Variants in CACNA1C observed in about 807,000 individuals in gnomAD.
CACNA1C encodes voltage-dependent L-type calcium channel subunit alpha-1C.
CACNA1C carries 30 observed loss-of-function variants against 229.0 expected under a neutral mutation model. The observed-to-expected ratio is 0.13, with a 90% CI of 0.10 to 0.18. CACNA1C has a LOEUF of 0.18. Among genes scored for constraint, CACNA1C ranks in the 10% least tolerant of loss-of-function variants. CACNA1C has a pLI of 1.00. For missense variants in CACNA1C, 1,658 were observed against 2,845.0 expected, an observed-to-expected ratio of 0.58 and a Z score of 9.49; for synonymous variants, 1,114 against 1,132.5, an observed-to-expected ratio of 0.98 and a Z score of 0.33.
chr12:2,565,061 A>G (rs1461332561), intron 11 of CACNA1C, among the ~76,000 whole-genome samples: 1 of 152,140 alleles, frequency 6.6e-6, no homozygotes, highest in Non-Finnish European at 1.5e-5. Context: ...TCTCTGTATC[A>G]GGAAAATGAA....
At position 2,639,989 on chromosome 12, in the gene CACNA1C, G is replaced by A. The variant is rs564092917; in HGVS notation, c.3912+5609G>A. Among the ~76,000 whole-genome samples, 2 of 152,308 alleles carry A rather than the reference G, an allele frequency of 1.3e-5. No individual in the cohort carries two copies. The highest frequency in any genetic ancestry group is 4.1e-4 in the South Asian group (2 of 4,820). On this transcript the variant is annotated intron_variant, in intron 30 of 46. Coordinates refer to ENST00000399655, the MANE Select transcript of CACNA1C (RefSeq NM_000719.7). This position sits in a 1 kb window ranked among gnomAD's most constrained non-coding sequence, Gnocchi z 4.2. ...GGAGGAATTGCTGGAGGCTTTGCAC[G>A]ATGCACAGGAGTGTCCAGAGCAGGG...
intron 3 of CACNA1C, among the ~76,000 whole-genome samples, chr12:2,371,589 C>T (rs1254156232): frequency 6.6e-6 from 1 of 151,980 alleles, no homozygotes; most frequent in African/African-American, 2.4e-5. Context: ...ACTGGTGCTC[C>T]AGGAATCACA....
chr12:2,143,612 G>A (rs549782755), intron 3 of CACNA1C, among the ~76,000 whole-genome samples: 7 of 151,408 alleles, frequency 4.6e-5, no homozygotes, highest in Admixed American at 1.3e-4. Context: ...TACAGTCTGC[G>A]TGTGTCGTAG....
chr12:2,007,020 T>G (rs2043589354), intron 1 of CACNA1C, among the ~76,000 whole-genome samples: 3 of 152,238 alleles, frequency 2.0e-5, no homozygotes, highest in African/African-American at 7.2e-5. Flanking sequence ...ACTACCTTTT[T>G]CCAGTGTTAC....
chr12:2,681,592 C>T (rs2097148581), intron 42 of CACNA1C, among the ~76,000 whole-genome samples: 1 of 152,180 alleles, frequency 6.6e-6, no homozygotes, highest in Non-Finnish European at 1.5e-5. Context: ...CAGCTCCTCC[C>T]TCCGTGCTTC....
chr12:2,625,756 C>A (rs888938451), intron 29 of CACNA1C, among the ~76,000 whole-genome samples: 2 of 151,146 alleles, frequency 1.3e-5, no homozygotes, highest in African/African-American at 4.9e-5. Context: ...TTCAAGACCA[C>A]CCTGGGCAAG....
intron 3 of CACNA1C, among the ~76,000 whole-genome samples, chr12:2,135,434 G>C (rs1290781713): frequency 2.1e-5 from 3 of 140,732 alleles, no homozygotes; most frequent in Admixed American, 7.1e-5. Context: ...CCATCTTTGT[G>C]GTTTTATCTA....
intron 30 of CACNA1C, among the ~76,000 whole-genome samples, chr12:2,643,527 C>T (rs577217724): frequency 1.3e-5 from 2 of 152,348 alleles, no homozygotes; most frequent in Non-Finnish European, 1.5e-5. Context: ...CTTCGCCTCT[C>T]TTAGCAAGTA....
chr12:2,528,122 T>G (rs1028825473), intron 9 of CACNA1C, among the ~76,000 whole-genome samples: 4 of 152,120 alleles, frequency 2.6e-5, no homozygotes, highest in Admixed American at 1.3e-4. Context: ...ATGCCAGAGT[T>G]TTTAGTCTGA....
At position 2,602,629 on chromosome 12, in the gene CACNA1C, CTTGTGT is replaced by C. The variant is rs58517840; in HGVS notation, c.2960+670_2960+675del. On this transcript the variant is annotated intron_variant, in intron 22 of 46. Transcript: ENST00000399655. The surrounding 1 kb of genome is among the most constrained non-coding windows in gnomAD (Gnocchi z 4.4). ...TGTGTGTGACTGTGTATATTTGTGT[CTTGTGT>C]GTGTGTGTGTGTGTGTGTGTGTGTG... Among the ~76,000 whole-genome samples the C allele has an allele frequency of 0.025, 2,168 of 87,828 alleles. 57 individuals carry two copies. The highest frequency in any genetic ancestry group is 0.083 in the African/African-American group (2,036 of 24,430). The allele number at this position is 87,828 out of a possible 152,430, so 57.6% of individuals were successfully genotyped here.
intron 1 of CACNA1C, chr12:1,993,159 T>C (rs2039898172): frequency 3.4e-6 from 5 of 1,467,110 alleles, no homozygotes; most frequent in East Asian, 2.3e-5. Context: ...ACACCCCCCA[T>C]AGCCACTGAT....
chr12:2,525,016 G>A (rs1025500633), intron 9 of CACNA1C, among the ~76,000 whole-genome samples: 36 of 152,138 alleles, frequency 2.4e-4, no homozygotes, highest in Non-Finnish European at 4.9e-4. Context: ...AAGAAGGAAA[G>A]GAAATGGAAT....
chr12:2,206,371 C>T (rs1234824571), intron 3 of CACNA1C, among the ~76,000 whole-genome samples: 11 of 152,294 alleles, frequency 7.2e-5, no homozygotes, highest in Middle Eastern at 3.4e-3. Flanking sequence ...GTGGAGGCTG[C>T]TTCGGATCCG....
At chr12:2,385,507 C>A (rs1454744319) in intron 3 of CACNA1C, among the ~76,000 whole-genome samples, 1 of 152,226 alleles carries the variant, frequency 6.6e-6, no homozygotes, top group Non-Finnish European at 1.5e-5. Context: ...CTAGGACCCG[C>A]TGCTGTCTCT....
At chr12:2,095,411 C>A (rs920714665) in intron 1 of CACNA1C, among the ~76,000 whole-genome samples, 1 of 152,210 alleles carries the variant, frequency 6.6e-6, no homozygotes, top group African/African-American at 2.4e-5. Context: ...CTCTGTGAAT[C>A]CTGACTCCAT....
intron 3 of CACNA1C, among the ~76,000 whole-genome samples, chr12:2,429,300 G>A (rs2099061100): frequency 6.6e-6 from 1 of 152,174 alleles, no homozygotes; most frequent in African/African-American, 2.4e-5. Context: ...GAAAAGACAT[G>A]TATTTGGGGA....
intron 3 of CACNA1C, among the ~76,000 whole-genome samples, chr12:2,302,275 G>T (rs2094618231): frequency 6.6e-6 from 1 of 151,908 alleles, no homozygotes; most frequent in Non-Finnish European, 1.5e-5. Flanking sequence ...TGGCCTGTGT[G>T]TTGGCAGGAG....
chr12:2,004,045 T>C (rs1278413705), intron 1 of CACNA1C, among the ~76,000 whole-genome samples: 2 of 152,054 alleles, frequency 1.3e-5, no homozygotes, highest in African/African-American at 4.8e-5. Flanking sequence ...TCTCCCAGCG[T>C]TGGGTACGTT....
intron 1 of CACNA1C, among the ~76,000 whole-genome samples, chr12:2,057,671 C>T (rs2055705560): frequency 6.6e-6 from 1 of 152,246 alleles, no homozygotes; most frequent in Non-Finnish European, 1.5e-5. Context: ...CCGTCGCAGG[C>T]TCTTCCCACA....
Sources: gnomAD v4.1 joint callset for allele counts (sites outside exome capture counted in the v4.1 genomes callset) on GRCh38, gnomAD v4.1.1 for gene constraint, Gnocchi (gnomAD v3.1) non-coding constraint, MANE v1.5 for transcripts, NCBI Gene and HGNC (gene_info 2026-07-23, HGNC 2026-07-21) for gene names.